MTREX: variants seen among roughly 807,000 people sequenced by gnomAD.
MTREX encodes Mtr4 exosome RNA helicase.
In MTREX, 76 loss-of-function variants were observed where a neutral mutation model predicts 135.4. The ratio of observed to expected loss-of-function variants is 0.56; its 90% CI spans 0.47 to 0.68. The LOEUF is 0.68. MTREX is among the 30% of genes least tolerant of loss of function. MTREX has a pLI of 0.00. For synonymous variants in MTREX, 404 were observed against 401.6 expected (o/e 1.01, Z -0.07); for missense variants, 920 against 1,262.1 (o/e 0.73, Z 4.11).
At chr5:55,405,643 A>C in intron 22 of MTREX, 55 bp downstream of exon 22, 1 of 1,476,750 alleles carries the variant, frequency 6.8e-7, no homozygotes, top group Admixed American at 2.1e-5. Flanking sequence ...TTTTAATTTT[A>C]ATTTTTGTTT....
At chr5:55,366,648 A>G in intron 15 of MTREX, 77 bp from the exon 16 acceptor site, 1 of 1,058,360 alleles carries the variant, frequency 9.4e-7, no homozygotes, top group Non-Finnish European at 1.3e-6. Flanking sequence ...ACTGTTATTG[A>G]GCATTATAGT....
intron 15 of MTREX, among the ~76,000 whole-genome samples, chr5:55,359,864 T>C (rs1413373509): frequency 6.6e-6 from 1 of 152,202 alleles, no homozygotes; most frequent in Non-Finnish European, 1.5e-5. Flanking sequence ...ACTTGACGTT[T>C]CTGGATTTGT....
intron 18 of MTREX, among the ~76,000 whole-genome samples, chr5:55,385,940 G>A (rs561008527): frequency 3.9e-5 from 6 of 152,212 alleles, no homozygotes; most frequent in African/African-American, 1.4e-4. Context: ...GACTAGAGAG[G>A]AACACATTCA....
intron 25 of MTREX, among the ~76,000 whole-genome samples, chr5:55,421,055 A>G (rs1212402333): frequency 6.6e-6 from 1 of 152,240 alleles, no homozygotes. Flanking sequence ...ACCAAAAAAA[A>G]AATTTTGTAA....
chr5:55,339,148 ACAGT>A (rs777884075), intron 5 of MTREX, among the ~76,000 whole-genome samples: 100 of 152,100 alleles, frequency 6.6e-4, no homozygotes, highest in African/African-American at 1.7e-3. Flanking sequence ...CCTTTTTGAG[ACAGT>A]CAGTTTCTTG....
At chr5:55,361,126 A>G (rs2112080756) in intron 15 of MTREX, among the ~76,000 whole-genome samples, 1 of 152,352 alleles carries the variant, frequency 6.6e-6, no homozygotes, top group Admixed American at 6.5e-5. Flanking sequence ...TGATGTACTT[A>G]AAGTAGATAG....
chr5:55,388,266 T>C (rs1750511128), intron 19 of MTREX, among the ~76,000 whole-genome samples, 164 bp downstream of exon 19: 1 of 152,194 alleles, frequency 6.6e-6, no homozygotes, highest in Admixed American at 6.5e-5. Flanking sequence ...AACGTATCAG[T>C]AGGATAATTA....
chr5:55,351,745 CTT>C (rs1561194496), intron 13 of MTREX, among the ~76,000 whole-genome samples: 1 of 151,748 alleles, frequency 6.6e-6, no homozygotes, highest in African/African-American at 2.4e-5. Flanking sequence ...ATCTGATTTA[CTT>C]TTTTTAAATG....
At chr5:55,318,103 T>G (rs1286877234) in intron 1 of MTREX, among the ~76,000 whole-genome samples, 1 of 152,098 alleles carries the variant, frequency 6.6e-6, no homozygotes. Flanking sequence ...TGGCTATTAC[T>G]AAAAACTAAA....
chr5:55,410,419 A>G (rs1750868787), intron 22 of MTREX, 105 bp from the exon 23 acceptor site: 2 of 521,462 alleles, frequency 3.8e-6, no homozygotes, highest in South Asian at 4.1e-5. Context: ...ATTACTCCTT[A>G]AGGTCAAATA....
chr5:55,365,219 A>G (rs1317623784), intron 15 of MTREX, among the ~76,000 whole-genome samples: 2 of 152,142 alleles, frequency 1.3e-5, no homozygotes, highest in African/African-American at 4.8e-5. Context: ...TCTGCAAACA[A>G]TGTGTTTGCA....
intron 14 of MTREX, among the ~76,000 whole-genome samples, chr5:55,354,670 G>GC (rs11455783): frequency 1 from 152,358 of 152,358 alleles, 76,179 homozygotes; most frequent in Non-Finnish European, 1. Flanking sequence ...GGAGGGCCTG[G>GC]CCAAGGCTGC....
intron 5 of MTREX, among the ~76,000 whole-genome samples, chr5:55,337,678 A>T (rs2112051664): frequency 6.6e-6 from 1 of 151,882 alleles, no homozygotes; most frequent in South Asian, 2.1e-4. Flanking sequence ...TTAATTTGTG[A>T]TTAGAGAAGA....
intron 15 of MTREX, among the ~76,000 whole-genome samples, chr5:55,361,589 G>C (rs1750010763): frequency 1.3e-5 from 2 of 151,954 alleles, no homozygotes; most frequent in Admixed American, 6.5e-5. Context: ...CAAGTAGCTG[G>C]GATTATAGGC....
chr5:55,374,886 C>T (rs1165962354), intron 16 of MTREX, among the ~76,000 whole-genome samples: 1 of 152,112 alleles, frequency 6.6e-6, no homozygotes, highest in Non-Finnish European at 1.5e-5. Flanking sequence ...TTCTATTTTC[C>T]TTAAGCGTTG....
chr5:55,321,954 CA>C (rs1321893291), intron 1 of MTREX, among the ~76,000 whole-genome samples: 1 of 152,042 alleles, frequency 6.6e-6, no homozygotes, highest in Non-Finnish European at 1.5e-5. Context: ...AATCTAATCA[CA>C]AAAAATTTTC....
chr5:55,420,940 A>G (rs1177433255), intron 25 of MTREX, among the ~76,000 whole-genome samples: 3 of 152,196 alleles, frequency 2.0e-5, no homozygotes, highest in Non-Finnish European at 4.4e-5. Context: ...ATACTTTAAC[A>G]TGGTTAAAAA....
intron 7 of MTREX, 151 bp from the exon 8 acceptor site, chr5:55,343,180 A>T: frequency 1.6e-6 from 1 of 633,728 alleles, no homozygotes; most frequent in Non-Finnish European, 2.6e-6. Context: ...ATGGTGAGAA[A>T]TAGTTTTCAG....
At chr5:55,376,744 T>C (rs903106504) in intron 16 of MTREX, among the ~76,000 whole-genome samples, 7 of 152,180 alleles carry the variant, frequency 4.6e-5, no homozygotes, top group African/African-American at 1.7e-4. Context: ...CCATAGATTT[T>C]TTTTAAAAAG....
Sources: allele counts gnomAD v4.1 joint callset (sites outside exome capture counted in the v4.1 genomes callset), GRCh38; gene constraint gnomAD v4.1.1; transcripts MANE v1.5; gene names NCBI Gene and HGNC (gene_info 2026-07-23, HGNC 2026-07-21).